Variants in ZFHX3 observed in about 807,000 individuals in gnomAD.
ZFHX3 encodes the protein zinc finger homeobox 3.
A neutral mutation model predicts 279.1 loss-of-function variants in ZFHX3; 42 were observed. The observed-to-expected ratio is 0.15, with a 90% CI of 0.12 to 0.19. The LOEUF is 0.19. Among genes scored for constraint, ZFHX3 ranks in the 10% least tolerant of loss-of-function variants. ZFHX3 has a pLI of 1.00. For missense variants in ZFHX3, 4,981 were observed against 4,754.0 expected (o/e 1.05, Z -1.40); for synonymous variants, 2,293 against 1,957.8 (o/e 1.17, Z -4.52).
intron 4 of ZFHX3, among the ~76,000 whole-genome samples, chr16:73,272,590 A>C (rs2014176428): frequency 6.6e-6 from 1 of 152,218 alleles, no homozygotes; most frequent in Non-Finnish European, 1.5e-5. Flanking sequence ...AATAAAACAC[A>C]ACCGCTGCCC....
chr16:72,961,424 C>A (rs1007421296), intron 1 of ZFHX3, among the ~76,000 whole-genome samples: 1 of 152,208 alleles, frequency 6.6e-6, no homozygotes, highest in Non-Finnish European at 1.5e-5. Context: ...GCGATCATTC[C>A]GTCTGGCCCT....
intron 3 of ZFHX3, among the ~76,000 whole-genome samples, chr16:73,363,625 A>T (rs1362986625): frequency 6.6e-6 from 1 of 152,204 alleles, no homozygotes; most frequent in East Asian, 1.9e-4. Context: ...GGAAAAACAC[A>T]ATTAAACTAT....
chr16:73,007,208 T>A (rs1963737847), intron 1 of ZFHX3, among the ~76,000 whole-genome samples: 1 of 152,260 alleles, frequency 6.6e-6, no homozygotes, highest in Admixed American at 6.5e-5. Flanking sequence ...GACTGTTTTA[T>A]CTGGCATTTT....
chr16:72,943,146 C>T (rs185436827), intron 3 of ZFHX3, among the ~76,000 whole-genome samples: 9 of 152,302 alleles, frequency 5.9e-5, no homozygotes, highest in East Asian at 3.9e-4. Flanking sequence ...TTTAAGCAAT[C>T]GTTGTACAGC....
chr16:73,523,021 C>CCACAACA (rs1311305460), intron 2 of ZFHX3, among the ~76,000 whole-genome samples: 1 of 152,094 alleles, frequency 6.6e-6, no homozygotes, highest in Non-Finnish European at 1.5e-5. Context: ...TGGGTCCCTC[C>CCACAACA]CACAACACGG....
intron 1 of ZFHX3, among the ~76,000 whole-genome samples, chr16:73,054,293 A>G (rs1169819248): frequency 1.3e-5 from 2 of 152,174 alleles, no homozygotes; most frequent in Non-Finnish European, 1.5e-5. Context: ...CAGAAGCTGA[A>G]AGTGGGCTCG....
Position 73,141,861 on chromosome 16 carries a change from C to G in ZFHX3, c.-1024+1891G>C, listed in dbSNP as rs1273149948. Among the ~76,000 whole-genome samples, 4 of 152,206 alleles carry G rather than the reference C, an allele frequency of 2.6e-5. No homozygotes were observed. The East Asian group carries it at 7.7e-4, about 29-fold the overall frequency. Reference sequence around the variant, plus strand: ...ACTGCCCAGCCTGTAATCTTGATCTCTTTCCTGACTGTGTGTCTGGAGCAG... The same window carrying G: ...ACTGCCCAGCCTGTAATCTTGATCTGTTTCCTGACTGTGTGTCTGGAGCAG... On this transcript the variant is annotated intron_variant, in intron 6 of 17. Transcript: ENST00000641206.
At chr16:73,453,626 G>A (rs889582404) in intron 3 of ZFHX3, among the ~76,000 whole-genome samples, 3 of 152,170 alleles carry the variant, frequency 2.0e-5, no homozygotes, top group African/African-American at 7.2e-5. Flanking sequence ...CAGCCCCGTG[G>A]ATTCCATATG....
chr16:73,145,983 C>T (rs1394574324), intron 5 of ZFHX3, among the ~76,000 whole-genome samples: 1 of 152,160 alleles, frequency 6.6e-6, no homozygotes, highest in African/African-American at 2.4e-5. Context: ...AATTAGATTT[C>T]TTTATCTACT....
intron 2 of ZFHX3, among the ~76,000 whole-genome samples, chr16:73,562,403 G>T (rs2020383678): frequency 6.6e-6 from 1 of 152,016 alleles, no homozygotes; most frequent in South Asian, 2.1e-4. Context: ...AGACCATCCT[G>T]GCTAACACGG....
chr16:73,865,271 G>A (rs1961981867), intron 1 of ZFHX3, among the ~76,000 whole-genome samples: 1 of 152,154 alleles, frequency 6.6e-6, no homozygotes. Flanking sequence ...TGATGCAATT[G>A]GGATCTGAAA....
Position 73,746,040 on chromosome 16 carries a change from ATTTATTTT to A in ZFHX3, c.-1607-65808_-1607-65801del, listed in dbSNP as rs554336066. ...ACCTATTCGATTTCAAATTCCCTCT[ATTTATTTT>A]TTTATTTTTTTATTTTTTTAAGTAC... On this transcript the variant is annotated intron_variant, in intron 1 of 17. Coordinates refer to the ZFHX3 transcript ENST00000641206. Among the ~76,000 whole-genome samples, 763 of 151,640 alleles carry A rather than the reference ATTTATTTT, an allele frequency of 5.0e-3. 5 individuals are homozygous for A. The highest frequency in any genetic ancestry group is 0.016 in the African/African-American group (662 of 41,324).
At chr16:72,814,144 C>G (rs755257207) in intron 5 of ZFHX3, among the ~76,000 whole-genome samples, 26 of 152,120 alleles carry the variant, frequency 1.7e-4, no homozygotes, top group Non-Finnish European at 3.1e-4. Flanking sequence ...GAACTCCAAT[C>G]AGTAGGCATT....
In ZFHX3 at chr16:73,325,835, G is replaced by A. The variant is rs2015669790; in HGVS notation, c.-1290-7499C>T. ...GGCAGAAGGGCATGCCAATTAGAAGGAGCAGCATATACAGAAATGCATGTG... is the reference window on the plus strand; with the variant it reads ...GGCAGAAGGGCATGCCAATTAGAAGAAGCAGCATATACAGAAATGCATGTG... On this transcript the variant is annotated intron_variant, in intron 3 of 17. Coordinates refer to the ZFHX3 transcript ENST00000641206. Among the ~76,000 whole-genome samples, 5 of 151,996 alleles carry A rather than the reference G, an allele frequency of 3.3e-5. No individual in the cohort carries two copies. The South Asian group carries it at 1.0e-3, about 32-fold the overall frequency.
At chr16:73,283,179 A>G (rs890929697) in intron 4 of ZFHX3, among the ~76,000 whole-genome samples, 3 of 152,216 alleles carry the variant, frequency 2.0e-5, no homozygotes, top group Non-Finnish European at 2.9e-5. Context: ...GCTGTGTTCC[A>G]AGAAAACTTT....
rs759852645 is a variant in ZFHX3 at position 72,959,449 on chromosome 16, C to T, written c.697G>A (p.Val233Met). The change falls in exon 2 of 10, where the codon GTG (valine) becomes ATG (methionine). Residue 233 changes from valine (V) to methionine (M), a missense_variant. Val to Met is a conservative substitution (Grantham distance 21). Transcript: ENST00000268489. ...TTGCTTTTGTGTCGCACGTCAAACA[C>T]GCGGAAGCTGTGCAGGACGGGGCTG... is the stretch of plus-strand genomic sequence containing the variant. ...GLSPVLHSFR[V>M]FDVRHKSNKD... 8 of 1,614,262 alleles carry T rather than the reference C, an allele frequency of 5.0e-6. No homozygotes were observed. The highest frequency in any genetic ancestry group is 2.2e-5 in the South Asian group (2 of 91,090).
At chr16:73,701,400 C>T (rs1205036530) in intron 1 of ZFHX3, among the ~76,000 whole-genome samples, 3 of 152,152 alleles carry the variant, frequency 2.0e-5, no homozygotes, top group Admixed American at 6.5e-5. Context: ...AGACATAAAA[C>T]TCAAAATTCC....
intron 5 of ZFHX3, among the ~76,000 whole-genome samples, chr16:73,213,648 C>T (rs2012097480): frequency 6.6e-6 from 1 of 152,184 alleles, no homozygotes; most frequent in Non-Finnish European, 1.5e-5. Flanking sequence ...ATAAGAACTA[C>T]TTACTGCTGA....
At chr16:72,978,987 G>C (rs150445616) in intron 1 of ZFHX3, among the ~76,000 whole-genome samples, 95 of 152,272 alleles carry the variant, frequency 6.2e-4, no homozygotes, top group African/African-American at 2.2e-3. Context: ...AAGAGGCAGA[G>C]GTCTAGGAAG....
Sources: gnomAD v4.1 joint callset for allele counts (sites outside exome capture counted in the v4.1 genomes callset) on GRCh38, gnomAD v4.1.1 for gene constraint, MANE v1.5 for transcripts, NCBI Gene and HGNC (gene_info 2026-07-23, HGNC 2026-07-21) for gene names.